The following SLC35B1 variants were observed in gnomAD, a reference collection of about 807,000 sequenced individuals.
SLC35B1 encodes the protein solute carrier family 35 member B1, also known as ATP/ADP exchanger ER.
SLC35B1 carries 27 observed loss-of-function variants against 36.6 expected under a neutral mutation model. That is an observed-to-expected ratio of 0.74 (90% CI 0.54 to 1.02). The LOEUF is 1.02. SLC35B1 is among the 50% of genes least tolerant of loss of function. The pLI is 0.00. For missense variants in SLC35B1, 321 were observed against 383.2 expected (o/e 0.84, Z 1.35); for synonymous variants, 162 against 152.5 (o/e 1.06, Z -0.46).
chr17:49,705,348 C>G (rs2073403026), intron 4 of SLC35B1, 67 bp from the exon 5 acceptor site: 22 of 1,455,642 alleles, frequency 1.5e-5, no homozygotes, highest in Non-Finnish European at 1.8e-5. Flanking sequence ...AATGCCCTCC[C>G]TCCCAGGAAC....
chr17:49,703,535 G>A (rs535625202), intron 6 of SLC35B1: 19 of 448,272 alleles, frequency 4.2e-5, no homozygotes, highest in South Asian at 3.6e-4. Flanking sequence ...GAAAGTTAAT[G>A]AGTTACTTCT....
In SLC35B1 at chr17:49,703,295, C is replaced by A; in HGVS notation, c.656-1G>T. ...CAGAGCTCCCCAGTGAACAGGATTC[C>A]TGAGAAGACATGTCAACAAATGTAC... On this transcript the variant is annotated splice_acceptor_variant, in intron 6 of 8. Coordinates refer to ENST00000240333, the MANE Select transcript of SLC35B1 (RefSeq NM_005827.4). LOFTEE classifies it high-confidence loss of function. The A allele has an allele frequency of 6.2e-7, 1 of 1,605,164 alleles. No individual in the cohort carries two copies. The highest frequency in any genetic ancestry group is 8.5e-7 in the Non-Finnish European group (1 of 1,172,100).
chr17:49,706,082 A>G lies in SLC35B1; in HGVS notation c.339+122T>C, dbSNP rs139209700. 296 of 1,369,190 alleles carry G rather than the reference A, an allele frequency of 2.2e-4. No homozygotes were observed. The African/African-American group carries it at 3.9e-3, about 18-fold the overall frequency. The allele number at this position is 1,369,190 out of a possible 1,614,324, so 84.8% of individuals were successfully genotyped here. ...AGTTCTATGGTTCTATACACTCCCA[A>G]TGTCTTACAGGACCGTTATCTTTTT... On this transcript the variant is annotated intron_variant, in intron 3 of 8. Transcript: ENST00000240333.
At chr17:49,705,516 C>G in intron 4 of SLC35B1, 2 of 587,312 alleles carry the variant, frequency 3.4e-6, no homozygotes, top group Non-Finnish European at 3.0e-6. Context: ...CAGGAAGGGA[C>G]AGGACAAGGG....
intron 5 of SLC35B1, among the ~76,000 whole-genome samples, chr17:49,704,593 A>G (rs926989524): frequency 3.3e-5 from 5 of 152,166 alleles, no homozygotes; most frequent in African/African-American, 1.2e-4. Flanking sequence ...GGCTGCCTGG[A>G]TTGGAATCCT....
intron 8 of SLC35B1, 65 bp downstream of exon 8, chr17:49,702,793 A>T (rs1243855152): frequency 6.7e-7 from 1 of 1,498,182 alleles, no homozygotes; most frequent in Non-Finnish European, 9.1e-7. Context: ...CAAATTTCAT[A>T]AATATACAAG....
rs1358992426 is a variant in SLC35B1 at position 49,701,463 on chromosome 17, G to A, written c.964C>T (p.His322Tyr). Reference sequence around the variant, plus strand: ...TGGAGGTAGTCTCTCTCTTCCTAGTGGGATGTCTTCTTAGCTCCTTTCCCA... The same window carrying A: ...TGGAGGTAGTCTCTCTCTTCCTAGTAGGATGTCTTCTTAGCTCCTTTCCCA... ...KFGKGAKKTS[H>Y] is the part of the protein sequence containing the mutation. The change falls in exon 9 of 9, where the codon CAC becomes TAC. Residue 322 changes from histidine (H) to tyrosine (Y), a missense_variant. Physicochemically the swap from His to Tyr is moderately conservative, Grantham distance 83. Transcript: ENST00000240333. 5.0e-6 allele frequency: 8 copies of A among 1,612,130 alleles called. No individual in the cohort carries two copies. In the African/African-American group the frequency reaches 6.7e-5, roughly 13 times the overall value.
rs61136804 is a variant in SLC35B1, at chr17:49,706,346, C to CAAAAAAAAAAAAA, written c.209-25_209-13dup. Reference sequence around the variant, plus strand: ...AAAAAACTGGATCACTGGGAGAAGACAAAAAAAAAAAAAAAAAAAGAAAAG... The same window carrying CAAAAAAAAAAAAA: ...AAAAAACTGGATCACTGGGAGAAGACAAAAAAAAAAAAAAAAAAAAAAAAAAAAAAAAGAAAAG... On this transcript the variant is annotated splice_polypyrimidine_tract_variant and intron_variant, in intron 2 of 8. Transcript: ENST00000240333. 2.2e-5 allele frequency: 16 copies of CAAAAAAAAAAAAA among 733,608 alleles called. No individual in the cohort carries two copies. The highest frequency in any genetic ancestry group is 1.4e-4 in the South Asian group (3 of 21,790). The allele number at this position is 733,608 out of a possible 1,614,324, so 45.4% of individuals were successfully genotyped here.
At chr17:49,704,595 T>C (rs547751941) in intron 5 of SLC35B1, among the ~76,000 whole-genome samples, 58 of 152,296 alleles carry the variant, frequency 3.8e-4, no homozygotes, top group Non-Finnish European at 7.8e-4. Flanking sequence ...CTGCCTGGAT[T>C]GGAATCCTGA....
intron 6 of SLC35B1, 188 bp downstream of exon 6, chr17:49,703,911 TA>T (rs2143651823): frequency 1.6e-6 from 1 of 607,842 alleles, no homozygotes; most frequent in East Asian, 3.1e-5. Flanking sequence ...ATTGTGCCAG[TA>T]ACAAGTAGCA....
At position 49,701,424 on chromosome 17, in the gene SLC35B1, A is replaced by C. The variant is rs1567817833; in HGVS notation, c.*34T>G. The stretch of plus-strand genomic sequence containing the variant: ...ATGTCACTGTTTGAGATAATAACTT[A>C]AATATTCTTGATGTGGAGGTAGTCT... On this transcript the variant is annotated 3_prime_UTR_variant, in exon 9 of 9. Transcript: ENST00000240333. 6.5e-7 allele frequency: 1 copy of C among 1,550,162 alleles called. No homozygotes were observed. Among genetic ancestry groups the C allele is most frequent in the Non-Finnish European group, 8.9e-7 (1 of 1,122,118 alleles).
At position 49,706,221 on chromosome 17, in the gene SLC35B1, C is replaced by A. The variant is rs748233244; in HGVS notation, c.322G>T (p.Val108Phe). Residue 108 changes from valine (V) to phenylalanine (F), a missense_variant, in exon 3 of 9, where the codon GTC (valine) becomes TTC (phenylalanine). Transcript: ENST00000240333. ...MVSSNSALQF[V>F]NYPTQVLGKS... Reference sequence around the variant, plus strand: ...GGTTTCACCTGAGTTGGGTAGTTGACAAACTGTAGTGCTGAATTGCTGGAG... The same window carrying A: ...GGTTTCACCTGAGTTGGGTAGTTGAAAAACTGTAGTGCTGAATTGCTGGAG... The A allele has an allele frequency of 1.3e-6, 2 of 1,599,226 alleles. No homozygotes were observed. Among genetic ancestry groups the A allele is most frequent in the Admixed American group, 1.8e-5 (1 of 56,064 alleles).
Position 49,707,653 on chromosome 17 carries a change from G to A in SLC35B1, c.104+77C>T, listed in dbSNP as rs2073436456. The A allele has an allele frequency of 3.9e-6, 6 of 1,524,610 alleles. No homozygotes were observed. The South Asian group carries it at 4.8e-5, about 12-fold the overall frequency. The allele number at this position is 1,524,610 out of a possible 1,614,324, so 94.4% of individuals were successfully genotyped here. A position where few individuals can be genotyped will look rare whatever the true frequency, so the allele number is the denominator to read the frequency against. Reference sequence around the variant, plus strand: ...GGGCAGGAGGACAAGAGGAAAGCCCGGGTCCAGAGGCAGAAGGCCCGGGAT... The same window carrying A: ...GGGCAGGAGGACAAGAGGAAAGCCCAGGTCCAGAGGCAGAAGGCCCGGGAT... On this transcript the variant is annotated intron_variant, in intron 1 of 8. Coordinates refer to ENST00000240333, the MANE Select transcript of SLC35B1 (RefSeq NM_005827.4).
Position 49,707,048 on chromosome 17 carries a change from T to A in SLC35B1, c.125A>T (p.Glu42Val), listed in dbSNP as rs1256166834. ...GGTGAACGTCTCCTGCTTGGCTCCT[T>A]CCCCATACTTTCCTCTTGTTCTAGA... is the stretch of plus-strand genomic sequence containing the variant. The part of the protein sequence containing the change: ...QEKITRGKYG[E>V]GAKQETFTFA... Residue 42 changes from glutamate (E) to valine (V), a missense_variant, in exon 2 of 9, where the codon GAA becomes GTA. Physicochemically the swap from Glu to Val is moderately radical, Grantham distance 121. Transcript: ENST00000240333. 3.1e-6 allele frequency: 5 copies of A among 1,613,518 alleles called. No individual in the cohort carries two copies. In the Admixed American group the frequency reaches 8.3e-5, roughly 27 times the overall value.
At chr17:49,703,701 G>A in intron 6 of SLC35B1, 1 of 315,016 alleles carries the variant, frequency 3.2e-6, no homozygotes, top group Non-Finnish European at 6.1e-6. Flanking sequence ...TTCTACATGT[G>A]CCCAAATTTG....
intron 6 of SLC35B1, chr17:49,703,553 T>C: frequency 2.4e-6 from 1 of 417,674 alleles, no homozygotes; most frequent in Non-Finnish European, 4.5e-6. Flanking sequence ...TCTACCAAAG[T>C]GATTACAAGC....
At chr17:49,703,417 G>A in intron 6 of SLC35B1, 123 bp from the exon 7 acceptor site, 1 of 696,088 alleles carries the variant, frequency 1.4e-6, no homozygotes, top group South Asian at 1.5e-5. Context: ...TGCAAGGGAG[G>A]TGGGACGCGG....
chr17:49,707,739 TGCAGGATCCCATAGTAAAAATA>T lies in SLC35B1; in HGVS notation c.73_94del (p.Tyr25ArgfsTer4), dbSNP rs957523619. 6.2e-7 allele frequency: 1 copy of T among 1,611,890 alleles called. No homozygotes were observed. Among genetic ancestry groups the T allele is most frequent in the Admixed American group, 1.7e-5 (1 of 60,010 alleles). The stretch of plus-strand genomic sequence containing the variant: ...CCCCGGGGTCGCTCACATCTTTTCC[TGCAGGATCCCATAGTAAAAATA>T]GCAGACAAAGACACCCAGGAAGCAG... On this transcript the variant is annotated frameshift_variant, in exon 1 of 9. Transcript: ENST00000240333. LOFTEE classifies it high-confidence loss of function.
At position 49,706,993 on chromosome 17, in the gene SLC35B1, A is replaced by G. The variant is rs1567821500; in HGVS notation, c.180T>C (p.Cys60=). Residue 60 remains cysteine, a synonymous_variant, in exon 2 of 9, where the codon TGT becomes TGC. Coordinates refer to ENST00000240333, the MANE Select transcript of SLC35B1 (RefSeq NM_005827.4). ...TFALTLVFIQ[C]VINAVFAKIL... is the part of the protein sequence containing the mutation. ...TCTTGGCAAACACAGCATTGATCAC[A>G]CATTGAATGAAGACCAAAGTTAAGG... 1 of 1,614,042 alleles carries G rather than the reference A, an allele frequency of 6.2e-7. No homozygotes were observed.
Sources: allele counts gnomAD v4.1 joint callset (sites outside exome capture counted in the v4.1 genomes callset), GRCh38; gene constraint gnomAD v4.1.1; transcripts MANE v1.5; gene names NCBI Gene and HGNC (gene_info 2026-07-23, HGNC 2026-07-21).